The following MAN1A1 variants were observed in gnomAD, a reference collection of about 807,000 sequenced individuals.
The protein encoded by MAN1A1 is mannosidase alpha class 1A member 1.
In MAN1A1, 29 loss-of-function variants were observed where a neutral mutation model predicts 70.8. That is an observed-to-expected ratio of 0.41 (90% CI 0.31 to 0.56). The LOEUF (loss-of-function observed/expected upper bound fraction) is 0.56. Ranked by LOEUF, MAN1A1 falls within the 20% of genes least tolerant of loss-of-function variation. The pLI, the probability that MAN1A1 is intolerant of heterozygous loss-of-function variation, is 0.29. For missense variants in MAN1A1, 747 were observed against 841.3 expected (o/e 0.89, Z 1.39); for synonymous variants, 349 against 330.1 (o/e 1.06, Z -0.62).
intron 5 of MAN1A1, among the ~76,000 whole-genome samples, chr6:119,270,330 G>T (rs181879980): frequency 1.3e-5 from 2 of 152,056 alleles, no homozygotes; most frequent in Non-Finnish European, 2.9e-5. Context: ...TATATCATAT[G>T]CTCATATTAA....
intron 6 of MAN1A1, among the ~76,000 whole-genome samples, chr6:119,218,055 T>C (rs1395681945): frequency 1.3e-5 from 2 of 152,180 alleles, no homozygotes; most frequent in Non-Finnish European, 2.9e-5. Context: ...TTTTAAAAAT[T>C]CTACAATCAT....
chr6:119,316,444 G>A (rs1235704796), intron 2 of MAN1A1, among the ~76,000 whole-genome samples: 10 of 152,080 alleles, frequency 6.6e-5, no homozygotes, highest in South Asian at 2.1e-4. Flanking sequence ...GGGATTACAG[G>A]AGTGAGCCAC....
intron 5 of MAN1A1, among the ~76,000 whole-genome samples, chr6:119,280,182 G>C (rs1315798480): frequency 6.6e-6 from 1 of 152,084 alleles, no homozygotes; most frequent in Non-Finnish European, 1.5e-5. Flanking sequence ...TTATCATTTA[G>C]TTGTTGATGA....
At chr6:119,184,818 A>G (rs1364121488) in intron 11 of MAN1A1, among the ~76,000 whole-genome samples, 1 of 152,180 alleles carries the variant, frequency 6.6e-6, no homozygotes, top group Admixed American at 6.5e-5. Context: ...ATATACATAC[A>G]ATATTCTGAT....
chr6:119,306,669 T>C (rs1255719151), intron 3 of MAN1A1, among the ~76,000 whole-genome samples: 1 of 152,170 alleles, frequency 6.6e-6, no homozygotes, highest in Admixed American at 6.6e-5. Flanking sequence ...CAGGCGTCAG[T>C]ACTCTTTAAA....
chr6:119,215,689 A>G (rs1175877408), intron 6 of MAN1A1, among the ~76,000 whole-genome samples: 1 of 152,228 alleles, frequency 6.6e-6, no homozygotes, highest in Non-Finnish European at 1.5e-5. Flanking sequence ...TTTAAGTATA[A>G]TAACAATATT....
At chr6:119,221,817 G>T (rs1774370518) in intron 6 of MAN1A1, among the ~76,000 whole-genome samples, 1 of 152,020 alleles carries the variant, frequency 6.6e-6, no homozygotes, top group Non-Finnish European at 1.5e-5. Context: ...AAAAGTAACA[G>T]CAAGAGTGAG....
chr6:119,208,579 C>T (rs1273371933), intron 6 of MAN1A1, among the ~76,000 whole-genome samples: 2 of 152,120 alleles, frequency 1.3e-5, no homozygotes, highest in African/African-American at 4.8e-5. Context: ...CCTCAGAGCT[C>T]TGATAGCAAT....
chr6:119,280,281 C>A (rs1348057562), intron 5 of MAN1A1, among the ~76,000 whole-genome samples: 1 of 152,198 alleles, frequency 6.6e-6, no homozygotes, highest in African/African-American at 2.4e-5. Context: ...AGCCAGAATG[C>A]CCAAGTTTGA....
chr6:119,237,490 T>C (rs62418827), intron 6 of MAN1A1, among the ~76,000 whole-genome samples: 1 of 152,110 alleles, frequency 6.6e-6, no homozygotes, highest in Non-Finnish European at 1.5e-5. Flanking sequence ...CTGCCGTCAG[T>C]CAGTAATACT....
intron 11 of MAN1A1, among the ~76,000 whole-genome samples, chr6:119,185,352 T>A (rs1256190468): frequency 6.6e-6 from 1 of 152,194 alleles, no homozygotes; most frequent in Admixed American, 6.5e-5. Context: ...TCACATCTTA[T>A]TTGACATTAT....
chr6:119,276,031 T>C (rs1223748339), intron 5 of MAN1A1, among the ~76,000 whole-genome samples: 2 of 152,204 alleles, frequency 1.3e-5, no homozygotes, highest in Admixed American at 6.5e-5. Context: ...AAAAAAGTTT[T>C]ATCACCATTG....
In MAN1A1 at chr6:119,320,328, T is replaced by C. The variant is rs550517115; in HGVS notation, c.604-13336A>G. Among the ~76,000 whole-genome samples, 8 of 152,308 alleles carry C rather than the reference T, an allele frequency of 5.3e-5. No individual in the cohort carries two copies. In the East Asian group the frequency reaches 1.5e-3, roughly 29 times the overall value. ...TGTGTTTAAAGTTCAAACTAAAGTT[T>C]GAACCACCACCAATCACTAAGGCAT... On this transcript the variant is annotated intron_variant, in intron 2 of 12. Coordinates refer to ENST00000368468, the MANE Select transcript of MAN1A1 (RefSeq NM_005907.4).
At chr6:119,288,325 T>C (rs1008095585) in intron 5 of MAN1A1, among the ~76,000 whole-genome samples, 2 of 151,956 alleles carry the variant, frequency 1.3e-5, no homozygotes, top group Non-Finnish European at 2.9e-5. Flanking sequence ...ATGAGATACA[T>C]AGAAAGACAA....
At chr6:119,191,559 T>C (rs1315972068) in intron 9 of MAN1A1, among the ~76,000 whole-genome samples, 1 of 152,186 alleles carries the variant, frequency 6.6e-6, no homozygotes, top group Non-Finnish European at 1.5e-5. Flanking sequence ...AAGAGTACTA[T>C]ATATTTTGTG....
At chr6:119,265,214 C>A (rs184064132) in intron 5 of MAN1A1, among the ~76,000 whole-genome samples, 17 of 152,092 alleles carry the variant, frequency 1.1e-4, no homozygotes, top group Non-Finnish European at 2.5e-4. Flanking sequence ...GATCCTCCTA[C>A]CTCAGCCTCT....
At chr6:119,288,089 G>C (rs1027305251) in intron 5 of MAN1A1, among the ~76,000 whole-genome samples, 1 of 151,834 alleles carries the variant, frequency 6.6e-6, no homozygotes, top group African/African-American at 2.4e-5. Context: ...TTAGACTTCT[G>C]CTGGGATTCT....
At chr6:119,249,248 C>T (rs1170442031) in intron 5 of MAN1A1, among the ~76,000 whole-genome samples, 2 of 152,158 alleles carry the variant, frequency 1.3e-5, no homozygotes, top group Non-Finnish European at 2.9e-5. Flanking sequence ...TAAATGAGGT[C>T]AGGCATCCAC....
In MAN1A1 at chr6:119,193,877, C is replaced by T; in HGVS notation, c.1226G>A (p.Gly409Glu). Reference sequence around the variant, plus strand: ...CTCATAGAAGCTGTCTCCAAGTCCTCCAACTGATACATGATCTGGAAAGAG... The same window carrying T: ...CTCATAGAAGCTGTCTCCAAGTCCTTCAACTGATACATGATCTGGAAAGAG... The part of the protein sequence containing the change: ...GQWGQHHVSV[G>E]GLGDSFYEYL... Residue 409 changes from glycine to glutamate, a missense_variant, in exon 9 of 13, where the codon GGA becomes GAA. Coordinates refer to ENST00000368468, the MANE Select transcript of MAN1A1 (RefSeq NM_005907.4). 3.1e-6 allele frequency: 5 copies of T among 1,605,818 alleles called. No homozygotes were observed. The highest frequency in any genetic ancestry group is 2.2e-5 in the East Asian group (1 of 44,718).
Sources: gnomAD v4.1 joint callset for allele counts (sites outside exome capture counted in the v4.1 genomes callset) on GRCh38, gnomAD v4.1.1 for gene constraint, MANE v1.5 for transcripts, NCBI Gene and HGNC (gene_info 2026-07-23, HGNC 2026-07-21) for gene names.